The following VWA3B variants were observed in gnomAD, a reference collection of about 807,000 sequenced individuals.
VWA3B encodes the protein von Willebrand factor A domain-containing protein 3B.
In VWA3B, 138 loss-of-function variants were observed where a neutral mutation model predicts 158.3. The ratio of observed to expected loss-of-function variants is 0.87; its 90% CI spans 0.76 to 1.00. The LOEUF is 1.00. VWA3B is among the 50% of genes least tolerant of loss of function. The pLI is 0.00. For missense variants in VWA3B, 1,555 were observed against 1,565.1 expected (o/e 0.99, Z 0.11); for synonymous variants, 596 against 587.3 (o/e 1.01, Z -0.21).
chr2:98,102,019 G>GGGA (rs1196511772), intron 2 of VWA3B, among the ~76,000 whole-genome samples: 2 of 152,060 alleles, frequency 1.3e-5, no homozygotes, highest in Non-Finnish European at 2.9e-5. Flanking sequence ...AGGTCCCTGC[G>GGGA]GCCTTCCGCA....
rs374797548 is a variant in VWA3B at position 98,165,840 on chromosome 2, GT to G, written c.1114+2865del. On this transcript the variant is annotated intron_variant, in intron 8 of 27. Coordinates refer to ENST00000477737, the MANE Select transcript of VWA3B (RefSeq NM_144992.5). ...TGACACCCACTCGAAAACCCAGATG[GT>G]CCCCTGTCATCCTGCAGATGAACAA... is the stretch of plus-strand genomic sequence containing the variant. Among the ~76,000 whole-genome samples, 32 of 152,164 alleles carry G rather than the reference GT, an allele frequency of 2.1e-4. No individual in the cohort carries two copies. The East Asian group carries it at 6.2e-3, about 29-fold the overall frequency.
At position 98,121,368 on chromosome 2, in the gene VWA3B, C is replaced by T; in HGVS notation, c.612C>T (p.Ala204=). 6.2e-7 allele frequency: 1 copy of T among 1,614,172 alleles called. No homozygotes were observed. The highest frequency in any genetic ancestry group is 2.2e-5 in the East Asian group (1 of 44,884). Residue 204 remains alanine, a synonymous_variant, in exon 5 of 28, where the codon GCC becomes GCT. Coordinates refer to ENST00000477737, the MANE Select transcript of VWA3B (RefSeq NM_144992.5). The part of the protein sequence containing the change: ...TPVTEQSIAT[A]ISWVEKLTVE... Reference sequence around the variant, plus strand: ...TGACCGAACAGTCCATAGCTACTGCCATCAGTTGGGTTGAGAAACTGACGG... The same window carrying T: ...TGACCGAACAGTCCATAGCTACTGCTATCAGTTGGGTTGAGAAACTGACGG...
At chr2:98,251,343 G>A (rs531771631) in intron 20 of VWA3B, among the ~76,000 whole-genome samples, 171 of 152,178 alleles carry the variant, frequency 1.1e-3, no homozygotes, top group African/African-American at 3.2e-3. Context: ...AATAAAACTC[G>A]ACAGTAATGA....
intron 24 of VWA3B, among the ~76,000 whole-genome samples, chr2:98,298,443 T>TATTCC (rs1409392020): frequency 4.1e-5 from 5 of 121,626 alleles, no homozygotes; most frequent in African/African-American, 8.9e-5. Context: ...TATTCTATTC[T>TATTCC]ATGCCATGCC....
chr2:98,278,167 C>G (rs1340647778), intron 22 of VWA3B, among the ~76,000 whole-genome samples: 1 of 152,174 alleles, frequency 6.6e-6, no homozygotes, highest in Non-Finnish European at 1.5e-5. Flanking sequence ...TCCCTGACCC[C>G]TTCATGGGAC....
rs548752756 is a variant in VWA3B at position 98,279,320 on chromosome 2, A to G, written c.3045+8437A>G. Among the ~76,000 whole-genome samples the G allele has an allele frequency of 5.3e-5, 8 of 152,328 alleles. No homozygotes were observed. In the South Asian group the frequency reaches 1.5e-3, roughly 28 times the overall value. On this transcript the variant is annotated intron_variant, in intron 22 of 27. Coordinates refer to ENST00000477737, the MANE Select transcript of VWA3B (RefSeq NM_144992.5). ...GGGATCCCTGAGGTGACAAAAACTT[A>G]GAACCAGGCTGTCTTTTCATTCTGA...
intron 2 of VWA3B, among the ~76,000 whole-genome samples, chr2:98,108,121 G>A (rs1673821132): frequency 6.6e-6 from 1 of 151,802 alleles, no homozygotes; most frequent in African/African-American, 2.4e-5. Flanking sequence ...TTGACTTATG[G>A]ACTTTTAGAT....
At chr2:98,227,074 G>A (rs1684969154) in intron 14 of VWA3B, among the ~76,000 whole-genome samples, 2 of 152,186 alleles carry the variant, frequency 1.3e-5, no homozygotes, top group African/African-American at 2.4e-5. Context: ...GAAATAAAGG[G>A]TGTTCAAATA....
intron 19 of VWA3B, among the ~76,000 whole-genome samples, chr2:98,237,002 C>A (rs1438641291): frequency 6.6e-6 from 1 of 152,142 alleles, no homozygotes; most frequent in African/African-American, 2.4e-5. Flanking sequence ...ATCGTGAAAC[C>A]CTGTTTCTAC....
intron 8 of VWA3B, among the ~76,000 whole-genome samples, chr2:98,178,862 T>C (rs1297240933): frequency 6.6e-6 from 1 of 152,200 alleles, no homozygotes; most frequent in Non-Finnish European, 1.5e-5. Context: ...AACAAAACTC[T>C]ATAGCGCTGG....
chr2:98,191,973 A>G (rs1681622737), intron 10 of VWA3B, among the ~76,000 whole-genome samples: 1 of 152,120 alleles, frequency 6.6e-6, no homozygotes, highest in Non-Finnish European at 1.5e-5. Context: ...TCATTTATTT[A>G]TATCCTGTGA....
At chr2:98,137,207 GT>G (rs1409458816) in intron 7 of VWA3B, among the ~76,000 whole-genome samples, 1 of 152,126 alleles carries the variant, frequency 6.6e-6, no homozygotes, top group Admixed American at 6.6e-5. Context: ...TATTTTTAAT[GT>G]TTTTTCCAGA....
chr2:98,273,818 C>CTTTTTTTATATCTTTTTTTATCTATACT (rs1688356770), intron 22 of VWA3B, among the ~76,000 whole-genome samples: 1 of 152,104 alleles, frequency 6.6e-6, no homozygotes. Flanking sequence ...CTGGCATATT[C>CTTTTTTTATATCTTTTTTTATCTATACT]TTTTATCTAT....
chr2:98,312,282 C>G lies in VWA3B; in HGVS notation c.3818C>G (p.Ala1273Gly). Residue 1273 changes from alanine to glycine, a missense_variant, in exon 28 of 28, where the codon GCC becomes GGC. Physicochemically the swap from Ala to Gly is moderately conservative, Grantham distance 60. Coordinates refer to ENST00000477737, the MANE Select transcript of VWA3B (RefSeq NM_144992.5). ...AIIATPPPRA[A>G]LPCTLQATHS... ...ATTGCCACACCTCCACCTCGAGCAG[C>G]CCTGCCCTGTACTCTCCAAGCCACC... The G allele has an allele frequency of 6.2e-7, 1 of 1,614,144 alleles. No individual in the cohort carries two copies.
chr2:98,135,698 T>G (rs1676235122), intron 7 of VWA3B, among the ~76,000 whole-genome samples: 1 of 152,216 alleles, frequency 6.6e-6, no homozygotes, highest in South Asian at 2.1e-4. Context: ...ATTTCAGTGA[T>G]CACATCTGAA....
At chr2:98,115,512 G>C in intron 2 of VWA3B, 140 bp from the exon 3 acceptor site, 1 of 646,950 alleles carries the variant, frequency 1.5e-6, no homozygotes, top group Non-Finnish European at 2.7e-6. Flanking sequence ...TCATGATTTA[G>C]AACAGAATAG....
At chr2:98,319,948 T>C in the VWA3B span, among the ~76,000 whole-genome samples, 1 of 151,950 alleles carries the variant, frequency 6.6e-6, no homozygotes, top group Non-Finnish European at 1.5e-5. Context: ...TAGAGAACTG[T>C]CAATAATGTG....
chr2:98,147,871 C>T (rs1386154778), intron 7 of VWA3B, among the ~76,000 whole-genome samples: 2 of 142,648 alleles, frequency 1.4e-5, no homozygotes, highest in African/African-American at 5.2e-5. Flanking sequence ...CCACGACAGG[C>T]CCCTGTGTGT....
intron 6 of VWA3B, chr2:98,133,577 A>C (rs994395023): frequency 6.3e-6 from 3 of 474,308 alleles, no homozygotes; most frequent in Non-Finnish European, 1.1e-5. Context: ...TGGTTGAGCT[A>C]ATTTACCCTC....
Sources: gnomAD v4.1 joint callset for allele counts (sites outside exome capture counted in the v4.1 genomes callset) on GRCh38, gnomAD v4.1.1 for gene constraint, MANE v1.5 for transcripts, NCBI Gene and HGNC (gene_info 2026-07-23, HGNC 2026-07-21) for gene names.